Variants in LRRN1 observed in about 807,000 individuals in gnomAD.
The protein encoded by LRRN1 is leucine-rich repeat neuronal protein 1.
In LRRN1, 14 loss-of-function variants were observed where a neutral mutation model predicts 45.8. That is an observed-to-expected ratio of 0.31 (90% confidence interval 0.20 to 0.48). LRRN1 has a LOEUF of 0.48. Ranked by LOEUF, LRRN1 falls within the 20% of genes least tolerant of loss-of-function variation. LRRN1 has a pLI of 0.99. For synonymous variants in LRRN1, 359 were observed against 330.1 expected (o/e 1.09, Z -0.95); for missense variants, 789 against 874.2 (o/e 0.90, Z 1.23).
intron 1 of LRRN1, among the ~76,000 whole-genome samples, chr3:3,818,826 A>AG (rs1450718460): frequency 4.6e-5 from 7 of 152,196 alleles, no homozygotes; most frequent in African/African-American, 1.7e-4. Context: ...TCTGTAGGAT[A>AG]TACAGGCAAC....
At chr3:3,812,111 C>T (rs1692886790) in intron 1 of LRRN1, among the ~76,000 whole-genome samples, 1 of 152,234 alleles carries the variant, frequency 6.6e-6, no homozygotes, top group African/African-American at 2.4e-5. Context: ...CAGATATCTA[C>T]AGCCCCACTT....
intron 1 of LRRN1, among the ~76,000 whole-genome samples, chr3:3,803,342 T>C (rs918509454): frequency 1.3e-5 from 2 of 152,174 alleles, no homozygotes; most frequent in Non-Finnish European, 2.9e-5. Flanking sequence ...TATACCACCA[T>C]AAGTAGGCCA....
In LRRN1 at chr3:3,799,444, G is replaced by A. The variant is rs1018812209; in HGVS notation, c.-754G>A. 2 of 151,922 alleles carry A rather than the reference G, an allele frequency of 1.3e-5. No individual in the cohort carries two copies. The highest frequency in any genetic ancestry group is 4.8e-5 in the African/African-American group (2 of 41,414). The allele number at this position is 151,922 out of a possible 1,614,324, so 9.4% of individuals were successfully genotyped here. ...GCCGGCTGCGGGGAGCACAAAGCGG[G>A]GCGCACCGCGGGCGCCGGCAACGAG... On this transcript the variant is annotated 5_prime_UTR_variant, in exon 1 of 2. Coordinates refer to ENST00000319331, the MANE Select transcript of LRRN1 (RefSeq NM_020873.7).
At chr3:3,840,228 A>G (rs1693618814) in intron 1 of LRRN1, among the ~76,000 whole-genome samples, 1 of 152,184 alleles carries the variant, frequency 6.6e-6, no homozygotes, top group East Asian at 1.9e-4. Flanking sequence ...ATCAATTGAG[A>G]TGATCATGTG....
chr3:3,821,096 CA>C (rs1693093344), intron 1 of LRRN1, among the ~76,000 whole-genome samples: 1 of 152,198 alleles, frequency 6.6e-6, no homozygotes, highest in South Asian at 2.1e-4. Context: ...CTTACTGAAT[CA>C]AAATCTCCAT....
At chr3:3,832,317 G>T (rs974475802) in intron 1 of LRRN1, among the ~76,000 whole-genome samples, 8 of 152,184 alleles carry the variant, frequency 5.3e-5, no homozygotes, top group African/African-American at 1.9e-4. Flanking sequence ...TAGCCTTCCA[G>T]TCAGGGAGAA....
intron 1 of LRRN1, among the ~76,000 whole-genome samples, chr3:3,833,072 C>T (rs561860827): frequency 3.9e-5 from 6 of 152,284 alleles, no homozygotes; most frequent in South Asian, 2.1e-4. Flanking sequence ...CTGTTCCCAC[C>T]GTTAGATCTG....
intron 1 of LRRN1, among the ~76,000 whole-genome samples, chr3:3,812,376 G>A (rs985733731): frequency 2.0e-5 from 3 of 150,448 alleles, no homozygotes; most frequent in African/African-American, 5.0e-5. Context: ...TGAAGGTCAT[G>A]GGAGAGTTAG....
At chr3:3,827,922 A>G (rs1419676673) in intron 1 of LRRN1, among the ~76,000 whole-genome samples, 1 of 152,116 alleles carries the variant, frequency 6.6e-6, no homozygotes, top group Non-Finnish European at 1.5e-5. Context: ...TATAATAGAA[A>G]TGACAAATAA....
intron 1 of LRRN1, among the ~76,000 whole-genome samples, chr3:3,831,388 C>A (rs139560773): frequency 6.6e-6 from 1 of 152,254 alleles, no homozygotes; most frequent in African/African-American, 2.4e-5. Context: ...TCCTCTGGCA[C>A]GCAAATGTCT....
intron 1 of LRRN1, among the ~76,000 whole-genome samples, chr3:3,808,680 C>T (rs1322515993): frequency 6.6e-6 from 1 of 152,182 alleles, no homozygotes; most frequent in South Asian, 2.1e-4. Context: ...ATATTTCTTC[C>T]TCTTTAATTG....
chr3:3,807,120 G>T (rs995123997), intron 1 of LRRN1, among the ~76,000 whole-genome samples: 3 of 152,210 alleles, frequency 2.0e-5, no homozygotes, highest in South Asian at 4.1e-4. Context: ...AAAGTATCAT[G>T]CAGAGAAACT....
chr3:3,814,309 C>T (rs549019654), intron 1 of LRRN1, among the ~76,000 whole-genome samples: 36 of 150,918 alleles, frequency 2.4e-4, no homozygotes, highest in Middle Eastern at 6.8e-3. Context: ...TAGTAATGTG[C>T]TGGATATTCT....
At chr3:3,814,152 T>C (rs1692939516) in intron 1 of LRRN1, among the ~76,000 whole-genome samples, 1 of 149,270 alleles carries the variant, frequency 6.7e-6, no homozygotes, top group Non-Finnish European at 1.5e-5. Context: ...CTCCTTTAGC[T>C]TATTGGAAGT....
intron 1 of LRRN1, among the ~76,000 whole-genome samples, chr3:3,803,806 A>C (rs1188223294): frequency 1.3e-5 from 2 of 152,186 alleles, no homozygotes; most frequent in African/African-American, 2.4e-5. Context: ...ATTTGTTCTA[A>C]AGGTCTTTTT....
rs545966519 is a variant in LRRN1 at position 3,813,902 on chromosome 3, C to G, written c.-279+13983C>G. Among the ~76,000 whole-genome samples, 3 of 152,104 alleles carry G rather than the reference C, an allele frequency of 2.0e-5. No individual in the cohort carries two copies. In the South Asian group the frequency reaches 6.2e-4, roughly 32 times the overall value. ...CTAATCATTCAAATGGAAACTCACC[C>G]CACTCCCAAAATGAGCTCCTGCCAT... On this transcript the variant is annotated intron_variant, in intron 1 of 1. Coordinates refer to ENST00000319331, the MANE Select transcript of LRRN1 (RefSeq NM_020873.7).
intron 1 of LRRN1, among the ~76,000 whole-genome samples, chr3:3,833,090 G>A (rs1393674183): frequency 6.6e-6 from 1 of 152,174 alleles, no homozygotes; most frequent in African/African-American, 2.4e-5. Flanking sequence ...CTGACATACA[G>A]AGAAGAGCAA....
chr3:3,843,569 A>C (rs1867431), intron 1 of LRRN1, among the ~76,000 whole-genome samples: 12 of 148,356 alleles, frequency 8.1e-5, no homozygotes, highest in South Asian at 2.2e-4. Context: ...TTCCCACTGT[A>C]CCCCCCCCCA....
chr3:3,837,551 A>C (rs1193799736), intron 1 of LRRN1, among the ~76,000 whole-genome samples: 1 of 152,128 alleles, frequency 6.6e-6, no homozygotes, highest in African/African-American at 2.4e-5. Flanking sequence ...TAGGAGATAC[A>C]TAAGCCCTCA....
Sources: allele counts gnomAD v4.1 joint callset (sites outside exome capture counted in the v4.1 genomes callset), GRCh38; gene constraint gnomAD v4.1.1; transcripts MANE v1.5; gene names NCBI Gene and HGNC (gene_info 2026-07-23, HGNC 2026-07-21).